NREP: variants seen among roughly 807,000 people sequenced by gnomAD.
The protein encoded by NREP is neuronal regeneration-related protein.
NREP carries 5 observed loss-of-function variants against 8.6 expected under a neutral mutation model. That is an observed-to-expected ratio of 0.58 (90% CI 0.30 to 1.22). The LOEUF is 1.22. Among genes scored for constraint, NREP ranks in the 50% most tolerant of loss-of-function variants. NREP has a pLI of 0.07. For missense variants in NREP, 86 were observed against 82.5 expected, an observed-to-expected ratio of 1.04 and a Z score of -0.17; for synonymous variants, 27 against 28.0, an observed-to-expected ratio of 0.96 and a Z score of 0.11.
chr5:111,857,395 G>GT (rs770580399), intron 2 of NREP, among the ~76,000 whole-genome samples: 2 of 152,198 alleles, frequency 1.3e-5, no homozygotes, highest in African/African-American at 2.4e-5. Flanking sequence ...CCACATGATG[G>GT]TTGTCCTACC....
chr5:111,916,705 A>G (rs1236520015), intron 2 of NREP, among the ~76,000 whole-genome samples: 1 of 152,170 alleles, frequency 6.6e-6, no homozygotes, highest in East Asian at 1.9e-4. Context: ...TATCAATTAG[A>G]TAGTAGTAGT....
At chr5:111,825,025 T>C (rs1157799957) in intron 2 of NREP, among the ~76,000 whole-genome samples, 1 of 152,204 alleles carries the variant, frequency 6.6e-6, no homozygotes, top group African/African-American at 2.4e-5. Context: ...AACCTAAGTG[T>C]TTCCTTAGTC....
chr5:111,754,907 A>T (rs1750604501), intron 2 of NREP, among the ~76,000 whole-genome samples: 1 of 152,226 alleles, frequency 6.6e-6, no homozygotes, highest in African/African-American at 2.4e-5. Flanking sequence ...GAAAAAAACT[A>T]AAACTAAATT....
exon 1 of NREP, chr5:111,976,771 C>A: frequency 6.5e-7 from 1 of 1,547,922 alleles, no homozygotes; most frequent in South Asian, 1.2e-5. Context: ...GGATAAAGTT[C>A]AGTCTTTAAA....
chr5:111,966,835 A>G (rs556815984), intron 2 of NREP, among the ~76,000 whole-genome samples: 6 of 152,194 alleles, frequency 3.9e-5, no homozygotes, highest in African/African-American at 1.4e-4. Flanking sequence ...TTTGTCCACT[A>G]TGTAAGGGAA....
chr5:111,807,938 C>T (rs1178011317), intron 2 of NREP, among the ~76,000 whole-genome samples: 1 of 152,062 alleles, frequency 6.6e-6, no homozygotes, highest in Non-Finnish European at 1.5e-5. Context: ...ACAATAACAA[C>T]AACAACAACA....
intron 2 of NREP, among the ~76,000 whole-genome samples, chr5:111,886,702 C>A (rs1373702291): frequency 6.6e-6 from 1 of 151,056 alleles, no homozygotes; most frequent in African/African-American, 2.4e-5. Flanking sequence ...AATCATCATT[C>A]TCAGTAAACT....
intron 2 of NREP, among the ~76,000 whole-genome samples, chr5:111,806,443 T>C (rs1184903449): frequency 6.6e-6 from 1 of 152,168 alleles, no homozygotes; most frequent in Non-Finnish European, 1.5e-5. Context: ...GGATTTACGA[T>C]CGTGTGTTCA....
At chr5:111,924,459 A>G (rs769373554) in intron 2 of NREP, among the ~76,000 whole-genome samples, 1 of 44,322 alleles carries the variant, frequency 2.3e-5, no homozygotes, top group African/African-American at 4.4e-5. Context: ...GTGGTATGAG[A>G]AAAAAAAAAA....
At chr5:111,945,170 T>C (rs17562053) in intron 2 of NREP, among the ~76,000 whole-genome samples, 6,101 of 152,218 alleles carry the variant, frequency 0.04, 185 homozygotes, top group Non-Finnish European at 0.062. Context: ...ACTCTTATCA[T>C]GCTATTTCCA....
At chr5:111,828,187 T>C (rs1202508205) in intron 2 of NREP, among the ~76,000 whole-genome samples, 5 of 152,134 alleles carry the variant, frequency 3.3e-5, no homozygotes, top group Non-Finnish European at 5.9e-5. Flanking sequence ...TGTGCCATCA[T>C]GCCCAGCTAA....
chr5:111,767,339 T>C (rs1751109330), intron 2 of NREP, among the ~76,000 whole-genome samples: 1 of 152,120 alleles, frequency 6.6e-6, no homozygotes, highest in South Asian at 2.1e-4. Flanking sequence ...TATGCATAGG[T>C]ATAGTTCACT....
intron 2 of NREP, among the ~76,000 whole-genome samples, chr5:111,962,136 G>C (rs188128787): frequency 8.5e-5 from 13 of 152,254 alleles, no homozygotes; most frequent in African/African-American, 2.9e-4. Flanking sequence ...TTCAGTTCCA[G>C]TACCATGGCT....
At chr5:111,787,064 G>T (rs1309301699) in intron 2 of NREP, among the ~76,000 whole-genome samples, 1 of 152,116 alleles carries the variant, frequency 6.6e-6, no homozygotes, top group African/African-American at 2.4e-5. Flanking sequence ...TTGAAAAAAG[G>T]AACCAGCAGT....
chr5:111,966,500 A>T (rs1285774557), intron 2 of NREP, among the ~76,000 whole-genome samples: 4 of 152,190 alleles, frequency 2.6e-5, no homozygotes, highest in Non-Finnish European at 5.9e-5. Context: ...AGAGCTAATA[A>T]GATCTCTTGC....
intron 2 of NREP, among the ~76,000 whole-genome samples, chr5:111,803,790 G>A (rs1752070705): frequency 6.6e-6 from 1 of 152,104 alleles, no homozygotes; most frequent in Admixed American, 6.5e-5. Flanking sequence ...AATTTTGAAT[G>A]TGGGAGATAA....
At chr5:111,874,307 T>C (rs538721904) in intron 2 of NREP, among the ~76,000 whole-genome samples, 1 of 152,304 alleles carries the variant, frequency 6.6e-6, no homozygotes, top group South Asian at 2.1e-4. Flanking sequence ...GAACTCAATC[T>C]GGAAAAAACT....
At chr5:111,791,748 C>T (rs954960530) in intron 2 of NREP, among the ~76,000 whole-genome samples, 6 of 152,226 alleles carry the variant, frequency 3.9e-5, no homozygotes, top group Admixed American at 2.0e-4. Flanking sequence ...GTTGGGATTA[C>T]AGGCATGAGC....
chr5:111,879,289 A>G (rs1272440433), intron 2 of NREP, among the ~76,000 whole-genome samples: 1 of 152,228 alleles, frequency 6.6e-6, no homozygotes, highest in Non-Finnish European at 1.5e-5. Context: ...CCCAGTCACA[A>G]GTATTTCTTT....
Sources: gnomAD v4.1 joint callset for allele counts (sites outside exome capture counted in the v4.1 genomes callset) on GRCh38, gnomAD v4.1.1 for gene constraint, MANE v1.5 for transcripts, NCBI Gene and HGNC (gene_info 2026-07-23, HGNC 2026-07-21) for gene names.